The following KHDRBS2 variants were observed in gnomAD, a reference collection of about 807,000 sequenced individuals.
KHDRBS2 encodes the protein KH domain-containing, RNA-binding, signal transduction-associated protein 2.
A neutral mutation model predicts 44.3 loss-of-function variants in KHDRBS2; 26 were observed. The observed-to-expected ratio is 0.59, with a 90% CI of 0.43 to 0.81. The LOEUF is 0.81. KHDRBS2 is among the 40% of genes least tolerant of loss of function. The pLI is 0.00. For synonymous variants in KHDRBS2, 194 were observed against 151.1 expected, an observed-to-expected ratio of 1.28 and a Z score of -2.08; for missense variants, 476 against 433.1, an observed-to-expected ratio of 1.10 and a Z score of -0.88.
chr6:61,900,519 T>A (rs894378423), intron 5 of KHDRBS2, among the ~76,000 whole-genome samples: 5 of 152,272 alleles, frequency 3.3e-5, no homozygotes, highest in African/African-American at 1.2e-4. Context: ...TATTAAAAGC[T>A]TGAACAATTC....
chr6:62,197,540 A>C (rs1487648257), intron 1 of KHDRBS2, among the ~76,000 whole-genome samples: 1 of 152,138 alleles, frequency 6.6e-6, no homozygotes, highest in Non-Finnish European at 1.5e-5. Context: ...AGTATTTATC[A>C]CACTCAGCAT....
intron 2 of KHDRBS2, among the ~76,000 whole-genome samples, chr6:62,075,389 A>T (rs1321573740): frequency 4.6e-5 from 7 of 151,942 alleles, no homozygotes; most frequent in Non-Finnish European, 4.4e-5. Context: ...AACCAACAGA[A>T]CTGTGAGCAA....
intron 2 of KHDRBS2, among the ~76,000 whole-genome samples, chr6:62,122,714 C>CTATGTAACAACGTGCAGTTTTGTTACA (rs749271376): frequency 2.8e-4 from 42 of 150,296 alleles, no homozygotes; most frequent in Admixed American, 3.3e-4. Context: ...AAGACACCAC[C>CTATGTAACAACGTGCAGTTTTGTTACA]TGAAAGTGGA....
intron 1 of KHDRBS2, among the ~76,000 whole-genome samples, chr6:62,268,884 A>T (rs1355139352): frequency 5.3e-5 from 8 of 152,062 alleles, no homozygotes; most frequent in Admixed American, 1.3e-4. Flanking sequence ...GTCAATATTG[A>T]AAAACAATTC....
At chr6:62,237,038 T>A (rs1405796763) in intron 1 of KHDRBS2, among the ~76,000 whole-genome samples, 1 of 152,204 alleles carries the variant, frequency 6.6e-6, no homozygotes, top group East Asian at 1.9e-4. Flanking sequence ...ACTTGGAGCC[T>A]ATGACTTGCA....
intron 1 of KHDRBS2, among the ~76,000 whole-genome samples, chr6:62,208,378 A>G (rs1383888774): frequency 1.3e-5 from 2 of 152,156 alleles, no homozygotes; most frequent in East Asian, 3.9e-4. Flanking sequence ...TACAGGGCAC[A>G]CCATCTTGTC....
intron 2 of KHDRBS2, among the ~76,000 whole-genome samples, chr6:62,093,134 T>C (rs985942152): frequency 2.6e-5 from 4 of 151,024 alleles, no homozygotes; most frequent in Non-Finnish European, 4.4e-5. Flanking sequence ...CATAAACTCA[T>C]TAAAAATCCT....
chr6:61,868,775 G>A (rs1416880245), intron 6 of KHDRBS2, among the ~76,000 whole-genome samples: 3 of 152,338 alleles, frequency 2.0e-5, no homozygotes, highest in African/African-American at 7.2e-5. Flanking sequence ...GCCACAGGCT[G>A]AGGCTGCTCA....
intron 1 of KHDRBS2, among the ~76,000 whole-genome samples, chr6:62,239,860 A>C (rs1262226076): frequency 2.0e-5 from 3 of 149,344 alleles, no homozygotes; most frequent in Non-Finnish European, 4.4e-5. Flanking sequence ...CAATTTTTGT[A>C]TATTTATTAG....
At chr6:61,760,144 C>T (rs1779063473) in intron 6 of KHDRBS2, among the ~76,000 whole-genome samples, 1 of 152,088 alleles carries the variant, frequency 6.6e-6, no homozygotes, top group Non-Finnish European at 1.5e-5. Context: ...TTCAATTATA[C>T]ATTGTGCTAA....
At chr6:61,918,262 C>T (rs185692711) in intron 4 of KHDRBS2, among the ~76,000 whole-genome samples, 115 of 151,892 alleles carry the variant, frequency 7.6e-4, no homozygotes, top group Non-Finnish European at 1.4e-3. Flanking sequence ...CGAAGAACTC[C>T]GAAATCAATA....
At chr6:61,598,661 G>A in the KHDRBS2 span, among the ~76,000 whole-genome samples, 2 of 151,978 alleles carry the variant, frequency 1.3e-5, no homozygotes, top group South Asian at 2.1e-4. Flanking sequence ...TTTTATAAAC[G>A]TTTCTTTCCT....
intron 2 of KHDRBS2, among the ~76,000 whole-genome samples, chr6:62,124,154 A>C (rs1266284634): frequency 1.3e-5 from 2 of 152,168 alleles, no homozygotes; most frequent in Admixed American, 6.5e-5. Flanking sequence ...CAGGGATCTG[A>C]GCATAGCTTC....
At chr6:61,908,459 G>T (rs59498632) in intron 4 of KHDRBS2, among the ~76,000 whole-genome samples, 1 of 151,326 alleles carries the variant, frequency 6.6e-6, no homozygotes, top group Non-Finnish European at 1.5e-5. Context: ...ACGGTGAAAC[G>T]CAGTCTCTAC....
chr6:61,712,984 A>C (rs1770776230), intron 7 of KHDRBS2, among the ~76,000 whole-genome samples: 1 of 151,696 alleles, frequency 6.6e-6, no homozygotes, highest in Non-Finnish European at 1.5e-5. Flanking sequence ...TTAAGCAACA[A>C]AATTCTGACC....
chr6:61,761,655 T>C (rs1408310143), intron 6 of KHDRBS2, among the ~76,000 whole-genome samples: 3 of 152,202 alleles, frequency 2.0e-5, no homozygotes, highest in African/African-American at 7.2e-5. Context: ...ATGTACTAAA[T>C]GGAACTGCCA....
At chr6:61,702,489 A>AATAAT (rs1190902641) in intron 7 of KHDRBS2, among the ~76,000 whole-genome samples, 2 of 151,968 alleles carry the variant, frequency 1.3e-5, no homozygotes, top group Non-Finnish European at 2.9e-5. Context: ...CCATATCCCA[A>AATAAT]ATAATATAGT....
chr6:61,869,287 T>A (rs1798247861), intron 6 of KHDRBS2, among the ~76,000 whole-genome samples: 1 of 152,202 alleles, frequency 6.6e-6, no homozygotes, highest in South Asian at 2.1e-4. Flanking sequence ...AATTTTCTAT[T>A]GTTTTTGCTA....
At chr6:61,916,772 G>A (rs1352608663) in intron 4 of KHDRBS2, among the ~76,000 whole-genome samples, 8 of 151,836 alleles carry the variant, frequency 5.3e-5, no homozygotes, top group Non-Finnish European at 1.2e-4. Context: ...TAGTGAGCAA[G>A]GGTGAAAGTG....
Sources: allele counts gnomAD v4.1 joint callset (sites outside exome capture counted in the v4.1 genomes callset), GRCh38; gene constraint gnomAD v4.1.1; transcripts MANE v1.5; gene names NCBI Gene and HGNC (gene_info 2026-07-23, HGNC 2026-07-21).